The following GRM5 variants were observed in gnomAD, a reference collection of about 807,000 sequenced individuals.
GRM5 encodes glutamate metabotropic receptor 5.
GRM5 carries 19 observed loss-of-function variants against 83.1 expected under a neutral mutation model. The observed-to-expected ratio is 0.23, with a 90% CI of 0.16 to 0.34. The LOEUF is 0.34. Ranked by LOEUF, GRM5 falls within the 10% of genes least tolerant of loss-of-function variation. GRM5 has a pLI of 1.00. For synonymous variants in GRM5, 675 were observed against 633.6 expected (o/e 1.07, Z -0.98); for missense variants, 1,160 against 1,588.3 (o/e 0.73, Z 4.58).
chr11:88,798,911 G>A (rs1014110164), intron 3 of GRM5, among the ~76,000 whole-genome samples: 6 of 150,700 alleles, frequency 4.0e-5, no homozygotes, highest in Non-Finnish European at 8.9e-5. Flanking sequence ...AGTAAAGCAT[G>A]AAACCTTGGC....
intron 2 of GRM5, among the ~76,000 whole-genome samples, chr11:88,880,273 G>A (rs573097372): frequency 3.3e-5 from 5 of 152,190 alleles, no homozygotes; most frequent in Non-Finnish European, 5.9e-5. Flanking sequence ...CAAGCAATGC[G>A]TAAATATTAG....
chr11:88,943,970 G>A (rs1369390268), intron 2 of GRM5, among the ~76,000 whole-genome samples: 5 of 151,962 alleles, frequency 3.3e-5, no homozygotes, highest in East Asian at 1.9e-4. Flanking sequence ...TCGAGAAGTT[G>A]TAAATAGTAA....
At chr11:88,780,866 A>G (rs944782056) in intron 3 of GRM5, among the ~76,000 whole-genome samples, 7 of 151,952 alleles carry the variant, frequency 4.6e-5, no homozygotes, top group Non-Finnish European at 8.8e-5. Context: ...CTCAGAAGCA[A>G]ATTCCAATTA....
chr11:88,935,697 G>A (rs1381420899), intron 2 of GRM5, among the ~76,000 whole-genome samples: 1 of 151,846 alleles, frequency 6.6e-6, no homozygotes, highest in Non-Finnish European at 1.5e-5. Flanking sequence ...AATGAAAAGG[G>A]AAATACTCTT....
intron 8 of GRM5, among the ~76,000 whole-genome samples, chr11:88,559,670 T>A (rs1942709331): frequency 6.6e-6 from 1 of 152,202 alleles, no homozygotes; most frequent in Non-Finnish European, 1.5e-5. Flanking sequence ...ATTAGTTATT[T>A]ATCCATGTAT....
intron 2 of GRM5, among the ~76,000 whole-genome samples, chr11:88,953,895 A>C (rs1938535180): frequency 6.6e-6 from 1 of 152,218 alleles, no homozygotes; most frequent in Admixed American, 6.5e-5. Flanking sequence ...TAAGAGAAGT[A>C]TTTTACCTAA....
At chr11:88,848,858 T>C (rs1327954859) in intron 3 of GRM5, among the ~76,000 whole-genome samples, 2 of 152,264 alleles carry the variant, frequency 1.3e-5, no homozygotes, top group Middle Eastern at 3.4e-3. Flanking sequence ...CTCTCTAATA[T>C]GGATGGACTT....
chr11:88,779,739 A>G (rs1942936308), intron 3 of GRM5, among the ~76,000 whole-genome samples: 1 of 152,124 alleles, frequency 6.6e-6, no homozygotes, highest in African/African-American at 2.4e-5. Context: ...TTGGATTCTT[A>G]GTCACCGAAA....
At chr11:88,520,865 C>T (rs1258793499) in intron 9 of GRM5, among the ~76,000 whole-genome samples, 1 of 152,142 alleles carries the variant, frequency 6.6e-6, no homozygotes, top group Admixed American at 6.5e-5. Flanking sequence ...AAATTAGATG[C>T]TGCATATCAC....
At chr11:88,668,592 C>T (rs1179521952) in intron 3 of GRM5, among the ~76,000 whole-genome samples, 2 of 151,912 alleles carry the variant, frequency 1.3e-5, no homozygotes, top group African/African-American at 4.8e-5. Context: ...TATAGAAATG[C>T]CAATACTCAT....
chr11:88,614,145 T>G lies in GRM5; in HGVS notation c.1148-9181A>C, dbSNP rs866526849. Among the ~76,000 whole-genome samples the G allele has an allele frequency of 8.5e-5, 13 of 152,298 alleles. No homozygotes were observed. The South Asian group carries it at 2.5e-3, about 29-fold the overall frequency. Reference sequence around the variant, plus strand: ...TTATAAAAGGTGGGTTTGAGTCTCATTCTTTTATTTTTCTCTCTTTTGAAC... The same window carrying G: ...TTATAAAAGGTGGGTTTGAGTCTCAGTCTTTTATTTTTCTCTCTTTTGAAC... On this transcript the variant is annotated intron_variant, in intron 4 of 9. Transcript: ENST00000305447.
At chr11:88,607,296 T>A (rs1938181211) in intron 4 of GRM5, among the ~76,000 whole-genome samples, 1 of 152,252 alleles carries the variant, frequency 6.6e-6, no homozygotes, top group South Asian at 2.1e-4. Flanking sequence ...CAAACACTTT[T>A]GAATCACTTT....
At chr11:89,036,022 C>A (rs1300600416) in intron 2 of GRM5, among the ~76,000 whole-genome samples, 1 of 151,892 alleles carries the variant, frequency 6.6e-6, no homozygotes, top group Non-Finnish European at 1.5e-5. Flanking sequence ...CTATTTTTTT[C>A]ACTATAAAAT....
intron 2 of GRM5, among the ~76,000 whole-genome samples, chr11:89,000,127 T>C (rs151258910): frequency 0.014 from 2,105 of 152,132 alleles, 66 homozygotes; most frequent in African/African-American, 0.048. Flanking sequence ...TTAGGAGAGA[T>C]ACCTAATGCT....
intron 3 of GRM5, among the ~76,000 whole-genome samples, chr11:88,815,473 G>T (rs1171933387): frequency 6.6e-6 from 1 of 152,162 alleles, no homozygotes; most frequent in Non-Finnish European, 1.5e-5. Context: ...AATTGAGTTT[G>T]TGTTGCTATA....
At chr11:88,718,616 A>G (rs976793160) in intron 3 of GRM5, among the ~76,000 whole-genome samples, 17 of 151,964 alleles carry the variant, frequency 1.1e-4, no homozygotes, top group African/African-American at 3.1e-4. Flanking sequence ...TCATCTTTTA[A>G]TCCTTTGTTC....
At chr11:88,894,517 C>G (rs1455815527) in intron 2 of GRM5, among the ~76,000 whole-genome samples, 3 of 151,940 alleles carry the variant, frequency 2.0e-5, no homozygotes, top group Non-Finnish European at 4.4e-5. Flanking sequence ...GGTACTTTCT[C>G]TTTGGTCCCA....
chr11:88,959,661 C>A (rs1177429263), intron 2 of GRM5, among the ~76,000 whole-genome samples: 1 of 152,056 alleles, frequency 6.6e-6, no homozygotes, highest in Non-Finnish European at 1.5e-5. Flanking sequence ...CCCTTCCTTC[C>A]CTGCTCCACA....
chr11:88,925,720 T>A (rs1403171000), intron 2 of GRM5: 2 of 453,356 alleles, frequency 4.4e-6, no homozygotes, highest in Non-Finnish European at 8.8e-6. Context: ...AAGACCAGCC[T>A]GGCCAAGATG....
Sources: allele counts gnomAD v4.1 joint callset (sites outside exome capture counted in the v4.1 genomes callset), GRCh38; gene constraint gnomAD v4.1.1; transcripts MANE v1.5; gene names NCBI Gene and HGNC (gene_info 2026-07-23, HGNC 2026-07-21).